The following PCDH15 variants were observed in gnomAD, a reference collection of about 807,000 sequenced individuals.
PCDH15 encodes protocadherin related 15, also known as protocadherin-15.
PCDH15 carries 129 observed loss-of-function variants against 178.5 expected under a neutral mutation model. The observed-to-expected ratio is 0.72, with a 90% confidence interval of 0.63 to 0.84. The LOEUF is 0.84. Ranked by LOEUF, PCDH15 falls within the 40% of genes least tolerant of loss-of-function variation. The pLI, the probability that PCDH15 is intolerant of heterozygous loss-of-function variation, is 0.00. For missense variants in PCDH15, 2,230 were observed against 2,099.9 expected, an observed-to-expected ratio of 1.06 and a Z score of -1.21; for synonymous variants, 800 against 732.0, an observed-to-expected ratio of 1.09 and a Z score of -1.50.
intron 21 of PCDH15, among the ~76,000 whole-genome samples, chr10:53,977,930 G>A (rs2090322425): frequency 1.3e-5 from 2 of 152,170 alleles, no homozygotes; most frequent in African/African-American, 4.8e-5. Flanking sequence ...ATCATATCCA[G>A]GTCTCACTGA....
At chr10:54,228,653 G>C (rs75245220) in intron 9 of PCDH15, among the ~76,000 whole-genome samples, 8,313 of 152,224 alleles carry the variant, frequency 0.055, 563 homozygotes, top group African/African-American at 0.17. Flanking sequence ...ACTAAGCACT[G>C]TAATGTTTGA....
chr10:54,137,713 G>A (rs767278803), intron 14 of PCDH15, among the ~76,000 whole-genome samples: 1 of 152,138 alleles, frequency 6.6e-6, no homozygotes, highest in African/African-American at 2.4e-5. Flanking sequence ...TCAGTGAGTT[G>A]GATTTGAGAT....
intron 3 of PCDH15, among the ~76,000 whole-genome samples, chr10:54,482,086 G>A (rs771098665): frequency 2.6e-5 from 4 of 151,784 alleles, no homozygotes; most frequent in East Asian, 1.9e-4. Context: ...AGCATAGCTC[G>A]CTGAGAACTA....
At chr10:54,101,590 A>T (rs2094813065) in intron 15 of PCDH15, among the ~76,000 whole-genome samples, 1 of 152,158 alleles carries the variant, frequency 6.6e-6, no homozygotes, top group South Asian at 2.1e-4. Context: ...TACAGCAGAG[A>T]CACTTCTCCA....
intron 2 of PCDH15, among the ~76,000 whole-genome samples, chr10:55,042,611 A>G (rs1282766381): frequency 2.6e-5 from 4 of 152,130 alleles, no homozygotes; most frequent in Non-Finnish European, 4.4e-5. Context: ...TTCAAAATAC[A>G]TTAGTGTTAA....
intron 13 of PCDH15, among the ~76,000 whole-genome samples, chr10:54,169,555 T>C (rs866767228): frequency 0.021 from 3,063 of 147,618 alleles, 42 homozygotes; most frequent in Middle Eastern, 0.055. Flanking sequence ...TCCCTGACTA[T>C]TCCTGGACTA....
At chr10:54,413,055 A>G (rs191893558) in intron 3 of PCDH15, among the ~76,000 whole-genome samples, 1 of 152,372 alleles carries the variant, frequency 6.6e-6, no homozygotes, top group East Asian at 1.9e-4. Context: ...ATTCCACGAA[A>G]GAAGGGAGCA....
chr10:54,714,662 T>C (rs1032161766), intron 1 of PCDH15, among the ~76,000 whole-genome samples: 3 of 152,152 alleles, frequency 2.0e-5, no homozygotes, highest in African/African-American at 7.2e-5. Flanking sequence ...TTGGCTTCAT[T>C]AACTGGTCTT....
At chr10:54,082,595 G>C (rs2135976657) in intron 16 of PCDH15, among the ~76,000 whole-genome samples, 1 of 152,078 alleles carries the variant, frequency 6.6e-6, no homozygotes, top group Non-Finnish European at 1.5e-5. Context: ...ACCTCAAAAT[G>C]GATCAACAAT....
intron 2 of PCDH15, among the ~76,000 whole-genome samples, chr10:54,655,256 A>AAGAGAG (rs1173377441): frequency 0.036 from 1,767 of 48,610 alleles, 92 homozygotes; most frequent in East Asian, 0.069. Context: ...GAAAGAAAGA[A>AAGAGAG]AGAGAGAGAG....
At chr10:55,295,872 C>A (rs1234406191) in intron 1 of PCDH15, among the ~76,000 whole-genome samples, 3 of 152,014 alleles carry the variant, frequency 2.0e-5, no homozygotes, top group African/African-American at 7.2e-5. Flanking sequence ...AGGGCTCAGC[C>A]TCACAACATT....
chr10:54,687,186 A>T (rs529513458), intron 1 of PCDH15, among the ~76,000 whole-genome samples: 215 of 152,206 alleles, frequency 1.4e-3, no homozygotes, highest in African/African-American at 5.1e-3. Flanking sequence ...AGAAAGTGGA[A>T]CTCTTGAAAA....
chr10:54,656,052 G>A (rs546890980), intron 2 of PCDH15: 5 of 152,150 alleles, frequency 3.3e-5, no homozygotes, highest in South Asian at 2.1e-4. Flanking sequence ...GCCATCTAAC[G>A]AAAACAATGT....
intron 3 of PCDH15, among the ~76,000 whole-genome samples, chr10:54,460,435 G>A (rs939514155): frequency 1.1e-4 from 16 of 151,932 alleles, no homozygotes; most frequent in South Asian, 6.2e-4. Flanking sequence ...GTTTTAAAAC[G>A]TCATTTCAGA....
intron 2 of PCDH15, among the ~76,000 whole-genome samples, chr10:55,543,570 C>T (rs139647061): frequency 7.3e-5 from 11 of 151,204 alleles, no homozygotes; most frequent in Non-Finnish European, 1.3e-4. Context: ...ATAACAAAAG[C>T]GGCATTTAGA....
At chr10:54,553,333 T>C (rs2086819970) in intron 2 of PCDH15, among the ~76,000 whole-genome samples, 1 of 152,056 alleles carries the variant, frequency 6.6e-6, no homozygotes, top group African/African-American at 2.4e-5. Context: ...TCTGCAACTG[T>C]GATGGTGGGG....
chr10:55,600,419 G>T (rs868538416), intron 2 of PCDH15, among the ~76,000 whole-genome samples: 7 of 151,684 alleles, frequency 4.6e-5, no homozygotes, highest in Non-Finnish European at 8.8e-5. Context: ...CCTCCGAAAC[G>T]ACTTAAACTA....
intron 14 of PCDH15, among the ~76,000 whole-genome samples, chr10:54,135,450 G>A (rs2042823656): frequency 6.6e-6 from 1 of 152,042 alleles, no homozygotes; most frequent in East Asian, 1.9e-4. Context: ...GAAACAATGG[G>A]AAGTTACAAA....
At chr10:54,239,171 C>T (rs1368329642) in intron 8 of PCDH15, among the ~76,000 whole-genome samples, 1 of 152,044 alleles carries the variant, frequency 6.6e-6, no homozygotes, top group East Asian at 1.9e-4. Context: ...TGATCACCTT[C>T]ATCTATTTAT....
Sources: gnomAD v4.1 joint callset for allele counts (sites outside exome capture counted in the v4.1 genomes callset) on GRCh38, gnomAD v4.1.1 for gene constraint, MANE v1.5 for transcripts, NCBI Gene and HGNC (gene_info 2026-07-23, HGNC 2026-07-21) for gene names.